STXBP5L: variants seen among roughly 807,000 people sequenced by gnomAD.
STXBP5L encodes syntaxin-binding protein 5-like.
In STXBP5L, 65 loss-of-function variants were observed where a neutral mutation model predicts 144.5. The observed-to-expected ratio is 0.45, with a 90% CI of 0.37 to 0.55. The LOEUF (loss-of-function observed/expected upper bound fraction) is 0.55, where lower values mean the gene tolerates loss of function less well. STXBP5L is among the 20% of genes least tolerant of loss of function. The pLI, the probability that STXBP5L is intolerant of heterozygous loss-of-function variation, is 0.00. For missense variants in STXBP5L, 1,298 were observed against 1,405.5 expected, an observed-to-expected ratio of 0.92 and a Z score of 1.22; for synonymous variants, 505 against 469.6, an observed-to-expected ratio of 1.08 and a Z score of -0.97.
intron 18 of STXBP5L, among the ~76,000 whole-genome samples, chr3:121,278,699 T>C (rs1434947174): frequency 3.3e-5 from 5 of 151,922 alleles, no homozygotes; most frequent in African/African-American, 1.2e-4. Context: ...ACCAGATAAA[T>C]GTAGAAGTGT....
At chr3:121,088,870 C>T (rs1442167500) in intron 5 of STXBP5L, among the ~76,000 whole-genome samples, 1 of 58,366 alleles carries the variant, frequency 1.7e-5, no homozygotes, top group Non-Finnish European at 3.3e-5. Context: ...CATATTCTCA[C>T]TCATAGGTGG....
At chr3:121,240,583 T>G (rs1321836532) in intron 14 of STXBP5L, 76 bp downstream of exon 14, 35 of 1,348,400 alleles carry the variant, frequency 2.6e-5, no homozygotes, top group Non-Finnish European at 3.2e-5. Flanking sequence ...TTTTCCATAA[T>G]TGTGTTCTAT....
At chr3:121,335,235 T>C (rs1227162897) in intron 20 of STXBP5L, among the ~76,000 whole-genome samples, 1 of 152,006 alleles carries the variant, frequency 6.6e-6, no homozygotes, top group Non-Finnish European at 1.5e-5. Flanking sequence ...AAATACCTAG[T>C]AATACAGCTT....
chr3:121,352,524 C>G (rs891035504), intron 20 of STXBP5L, among the ~76,000 whole-genome samples: 1 of 152,002 alleles, frequency 6.6e-6, no homozygotes, highest in African/African-American at 2.4e-5. Context: ...GAGTTTTGTA[C>G]ATTGATTTTG....
intron 23 of STXBP5L, among the ~76,000 whole-genome samples, chr3:121,411,701 C>T (rs752949103): frequency 1.6e-4 from 24 of 152,072 alleles, no homozygotes; most frequent in Non-Finnish European, 2.6e-4. Context: ...GCCATATTTA[C>T]TTATTAGTCA....
At chr3:120,992,299 G>A (rs2107975659) in intron 3 of STXBP5L, among the ~76,000 whole-genome samples, 1 of 152,116 alleles carries the variant, frequency 6.6e-6, no homozygotes, top group South Asian at 2.1e-4. Context: ...TATATGTTGG[G>A]AACATTTTAA....
At chr3:121,194,751 T>C (rs1035931400) in intron 9 of STXBP5L, among the ~76,000 whole-genome samples, 10 of 152,120 alleles carry the variant, frequency 6.6e-5, no homozygotes, top group Admixed American at 6.6e-4. Flanking sequence ...TCATTACTTG[T>C]TTTGTCTATT....
intron 11 of STXBP5L, among the ~76,000 whole-genome samples, chr3:121,231,399 T>C (rs2049305219): frequency 6.6e-6 from 1 of 152,224 alleles, no homozygotes; most frequent in African/African-American, 2.4e-5. Flanking sequence ...TTTCTACTTT[T>C]TGTAGTTTTC....
chr3:121,221,360 C>G (rs928066575), intron 10 of STXBP5L, among the ~76,000 whole-genome samples: 8 of 151,598 alleles, frequency 5.3e-5, no homozygotes, highest in Admixed American at 5.3e-4. Context: ...GTAAATTGCT[C>G]CTTATCCTAT....
At chr3:121,021,023 A>T (rs1945513132) in intron 3 of STXBP5L, among the ~76,000 whole-genome samples, 1 of 152,078 alleles carries the variant, frequency 6.6e-6, no homozygotes, top group African/African-American at 2.4e-5. Flanking sequence ...TCTTTGAGAG[A>T]CTCACCTTCC....
intron 9 of STXBP5L, among the ~76,000 whole-genome samples, chr3:121,189,437 G>C (rs2047544073): frequency 1.3e-5 from 2 of 152,138 alleles, no homozygotes; most frequent in African/African-American, 2.4e-5. Flanking sequence ...GCTCTCTACA[G>C]ATGGCTAGCC....
chr3:121,139,215 T>C (rs549843181), intron 7 of STXBP5L, among the ~76,000 whole-genome samples: 1 of 152,172 alleles, frequency 6.6e-6, no homozygotes, highest in Admixed American at 6.6e-5. Context: ...TGTATATTTA[T>C]AAAAGCTGAA....
At chr3:121,116,727 C>T (rs919255541) in intron 6 of STXBP5L, among the ~76,000 whole-genome samples, 1 of 151,892 alleles carries the variant, frequency 6.6e-6, no homozygotes, top group African/African-American at 2.4e-5. Flanking sequence ...TATGTTTCCC[C>T]CCAAAGTTAC....
At chr3:121,190,323 A>G (rs1258144152) in intron 9 of STXBP5L, among the ~76,000 whole-genome samples, 2 of 152,184 alleles carry the variant, frequency 1.3e-5, no homozygotes, top group African/African-American at 4.8e-5. Context: ...CCCTTAATCC[A>G]TTTAACCCTT....
intron 2 of STXBP5L, among the ~76,000 whole-genome samples, chr3:120,911,779 G>T (rs2107548983): frequency 6.6e-6 from 1 of 152,060 alleles, no homozygotes; most frequent in South Asian, 2.1e-4. Context: ...AACATCTTTG[G>T]ATAGGAATAT....
intron 12 of STXBP5L, among the ~76,000 whole-genome samples, chr3:121,236,711 A>G (rs2049495319): frequency 6.6e-6 from 1 of 152,244 alleles, no homozygotes; most frequent in Non-Finnish European, 1.5e-5. Flanking sequence ...AGATACAATC[A>G]TTCTTTTCCA....
chr3:121,101,091 A>C (rs1487240457), intron 5 of STXBP5L, among the ~76,000 whole-genome samples: 1 of 150,800 alleles, frequency 6.6e-6, no homozygotes, highest in East Asian at 1.9e-4. Context: ...AAATTAAATC[A>C]GTAGTGAAAA....
chr3:121,043,725 CAAAA>C (rs1043897937), intron 4 of STXBP5L, among the ~76,000 whole-genome samples: 2 of 151,644 alleles, frequency 1.3e-5, no homozygotes, highest in African/African-American at 2.4e-5. Flanking sequence ...AACAAACAAA[CAAAA>C]AAAGAATACT....
chr3:121,304,313 T>A (rs2043258903), intron 19 of STXBP5L, among the ~76,000 whole-genome samples: 1 of 152,162 alleles, frequency 6.6e-6, no homozygotes, highest in Non-Finnish European at 1.5e-5. Flanking sequence ...CTTTTGTAAC[T>A]GACAGAACAA....
Sources: allele counts gnomAD v4.1 joint callset (sites outside exome capture counted in the v4.1 genomes callset), GRCh38; gene constraint gnomAD v4.1.1; transcripts MANE v1.5; gene names NCBI Gene and HGNC (gene_info 2026-07-23, HGNC 2026-07-21).